Variants in SERINC5 observed in about 807,000 individuals in gnomAD.
SERINC5 encodes serine incorporator 5, also known as chromosome 5 open reading frame 12.
A neutral mutation model predicts 63.1 loss-of-function variants in SERINC5; 41 were observed. The ratio of observed to expected loss-of-function variants is 0.65; its 90% CI spans 0.51 to 0.84. The LOEUF is 0.84. SERINC5 is among the 40% of genes least tolerant of loss of function. The pLI is 0.00. For missense variants in SERINC5, 523 were observed against 573.0 expected, an observed-to-expected ratio of 0.91 and a Z score of 0.89; for synonymous variants, 222 against 215.2, an observed-to-expected ratio of 1.03 and a Z score of -0.28.
chr5:80,195,179 G>A (rs1012775637), intron 2 of SERINC5, among the ~76,000 whole-genome samples: 4 of 151,736 alleles, frequency 2.6e-5, no homozygotes, highest in African/African-American at 4.8e-5. Flanking sequence ...CCAGCTACTC[G>A]GGAGGCTGAG....
chr5:80,245,310 T>C (rs1165036279), intron 1 of SERINC5, among the ~76,000 whole-genome samples: 2 of 152,206 alleles, frequency 1.3e-5, no homozygotes, highest in East Asian at 3.8e-4. Context: ...CATGGATCTC[T>C]AGAGCCCATT....
chr5:80,246,199 T>TG (rs1003476418), intron 1 of SERINC5, among the ~76,000 whole-genome samples: 1 of 152,084 alleles, frequency 6.6e-6, no homozygotes, highest in African/African-American at 2.4e-5. Flanking sequence ...CCTCCCTAGT[T>TG]GGGGTGAACC....
chr5:80,122,714 T>C (rs1485572815), intron 11 of SERINC5, among the ~76,000 whole-genome samples: 1 of 152,130 alleles, frequency 6.6e-6, no homozygotes, highest in Non-Finnish European at 1.5e-5. Context: ...TCGGAGAGAT[T>C]TGAAGTATGA....
At chr5:80,233,881 G>A (rs4704648) in intron 1 of SERINC5, among the ~76,000 whole-genome samples, 1 of 140,540 alleles carries the variant, frequency 7.1e-6, no homozygotes, top group Non-Finnish European at 1.5e-5. Flanking sequence ...GCATGATCTC[G>A]GCTCACTACA....
intron 1 of SERINC5, among the ~76,000 whole-genome samples, chr5:80,239,762 AG>A (rs1207034960): frequency 1.3e-5 from 2 of 152,140 alleles, no homozygotes; most frequent in Non-Finnish European, 2.9e-5. Context: ...AGAAGCCAGC[AG>A]GAAGAAGAAT....
chr5:80,229,750 G>GT (rs1393842515), intron 1 of SERINC5, among the ~76,000 whole-genome samples: 3 of 151,970 alleles, frequency 2.0e-5, no homozygotes, highest in Admixed American at 1.3e-4. Flanking sequence ...TGCCTGGTCC[G>GT]TAAGTGTTTA....
At chr5:80,170,782 G>A (rs981232604) in intron 5 of SERINC5, among the ~76,000 whole-genome samples, 10 of 152,130 alleles carry the variant, frequency 6.6e-5, no homozygotes, top group African/African-American at 1.4e-4. Flanking sequence ...TTGAGAGGCC[G>A]AGGCAGGTGA....
chr5:80,152,845 G>A (rs1746274490), intron 8 of SERINC5, among the ~76,000 whole-genome samples: 1 of 152,220 alleles, frequency 6.6e-6, no homozygotes, highest in African/African-American at 2.4e-5. Flanking sequence ...GGGGGCTGAG[G>A]CAGGAAAATT....
At chr5:80,181,234 C>G (rs150129417) in intron 2 of SERINC5, among the ~76,000 whole-genome samples, 1 of 152,238 alleles carries the variant, frequency 6.6e-6, no homozygotes, top group African/African-American at 2.4e-5. Context: ...CACAAACAAA[C>G]AAAGAGTTCC....
intron 1 of SERINC5, among the ~76,000 whole-genome samples, chr5:80,214,082 T>C (rs1561431696): frequency 6.6e-6 from 1 of 152,224 alleles, no homozygotes; most frequent in Non-Finnish European, 1.5e-5. Context: ...AGAAGGTTCA[T>C]GTTGTAGAAT....
intron 1 of SERINC5, among the ~76,000 whole-genome samples, chr5:80,210,347 T>C (rs763783258): frequency 6.6e-6 from 1 of 152,162 alleles, no homozygotes; most frequent in Non-Finnish European, 1.5e-5. Context: ...CACTTACTGT[T>C]ATTTTTCTTC....
chr5:80,185,661 T>C (rs1162862798), intron 2 of SERINC5, among the ~76,000 whole-genome samples: 2 of 151,312 alleles, frequency 1.3e-5, no homozygotes, highest in Non-Finnish European at 2.9e-5. Flanking sequence ...TAAAGGAAAA[T>C]TACAGTCAAA....
Position 80,255,823 on chromosome 5 carries a change from G to A in SERINC5, c.27+73C>T, listed in dbSNP as rs1752651016. The A allele has an allele frequency of 2.7e-6, 4 of 1,487,808 alleles. No homozygotes were observed. In the Admixed American group the frequency reaches 5.6e-5, roughly 21 times the overall value. The allele number at this position is 1,487,808 out of a possible 1,614,324, so 92.2% of individuals were successfully genotyped here. A position where few individuals can be genotyped will look rare whatever the true frequency, so the allele number is the denominator to read the frequency against. On this transcript the variant is annotated intron_variant, in intron 1 of 11. Transcript: ENST00000507668. ...GCGGAGCTGGGAGCGCACCCAGGCA[G>A]GTCCTCCACGCCTGGACTCCTGGCC... is the stretch of plus-strand genomic sequence containing the variant.
chr5:80,229,063 G>A (rs1751308390), intron 1 of SERINC5, among the ~76,000 whole-genome samples: 2 of 109,428 alleles, frequency 1.8e-5, no homozygotes, highest in Non-Finnish European at 3.5e-5. Context: ...GGATGGAGTT[G>A]CCTAGGCTGG....
At chr5:80,244,776 C>A (rs1017964948) in intron 1 of SERINC5, among the ~76,000 whole-genome samples, 1 of 152,046 alleles carries the variant, frequency 6.6e-6, no homozygotes, top group Non-Finnish European at 1.5e-5. Flanking sequence ...GAGCTGAGAT[C>A]GTGCCATTGC....
intron 1 of SERINC5, among the ~76,000 whole-genome samples, chr5:80,243,708 C>T (rs1339258016): frequency 6.6e-6 from 1 of 151,248 alleles, no homozygotes; most frequent in African/African-American, 2.4e-5. Context: ...GAGTTTGGGA[C>T]CAGCCTGGGC....
chr5:80,183,892 G>A (rs564894845), intron 2 of SERINC5, among the ~76,000 whole-genome samples: 4 of 151,404 alleles, frequency 2.6e-5, no homozygotes, highest in Non-Finnish European at 5.9e-5. Context: ...TCACACCGAC[G>A]CGCATGAAAG....
chr5:80,145,984 T>A, intron 11 of SERINC5, 106 bp downstream of exon 11: 2 of 1,239,988 alleles, frequency 1.6e-6, no homozygotes, highest in Middle Eastern at 1.9e-4. Context: ...CACTCCAGCC[T>A]GGGCAACAGA....
intron 1 of SERINC5, among the ~76,000 whole-genome samples, chr5:80,223,230 G>T (rs953519925): frequency 3.3e-5 from 5 of 152,140 alleles, no homozygotes; most frequent in African/African-American, 9.7e-5. Flanking sequence ...ATCTGCGAGG[G>T]ACTGGTTCCA....
Sources: allele counts gnomAD v4.1 joint callset (sites outside exome capture counted in the v4.1 genomes callset), GRCh38; gene constraint gnomAD v4.1.1; transcripts MANE v1.5; gene names NCBI Gene and HGNC (gene_info 2026-07-23, HGNC 2026-07-21).